EGFR: variants seen among roughly 807,000 people sequenced by gnomAD.
EGFR encodes avian erythroblastic leukemia viral (v-erb-b) oncogene homolog.
EGFR carries 58 observed loss-of-function variants against 143.0 expected under a neutral mutation model. That is an observed-to-expected ratio of 0.41 (90% CI 0.33 to 0.50). EGFR has a LOEUF of 0.50. Among genes scored for constraint, EGFR ranks in the 20% least tolerant of loss-of-function variants. The pLI, the probability that EGFR is intolerant of heterozygous loss-of-function variation, is 0.39. For synonymous variants in EGFR, 613 were observed against 594.4 expected (o/e 1.03, Z -0.45); for missense variants, 1,307 against 1,579.0 (o/e 0.83, Z 2.92).
chr7:55,128,767 G>A (rs934114949), intron 1 of EGFR, among the ~76,000 whole-genome samples: 1 of 152,140 alleles, frequency 6.6e-6, no homozygotes, highest in East Asian at 1.9e-4. Flanking sequence ...ATTCTATTAA[G>A]CTAGTAGGAT....
chr7:55,161,376 C>T, intron 12 of EGFR, 123 bp from the exon 13 acceptor site: 7 of 1,342,110 alleles, frequency 5.2e-6, no homozygotes, highest in Non-Finnish European at 6.0e-6. Flanking sequence ...TCAGGGGTAG[C>T]CAGCATGTCT....
chr7:55,185,150 G>T (rs1186579620), intron 20 of EGFR, among the ~76,000 whole-genome samples: 1 of 151,578 alleles, frequency 6.6e-6, no homozygotes, highest in African/African-American at 2.4e-5. Context: ...TAGACAAAAG[G>T]AAAAAGGAAA....
At position 55,155,819 on chromosome 7, in the gene EGFR, C is replaced by T. The variant is rs760826609; in HGVS notation, c.890-11C>T. ...ACCGTCATCACCTTCCTTTCATGCT[C>T]TCTTCCCCAGGTAATTATGTGGTGA... is the stretch of plus-strand genomic sequence containing the variant. On this transcript the variant is annotated splice_polypyrimidine_tract_variant and intron_variant, in intron 7 of 27. Transcript: ENST00000275493. 1 of 1,612,616 alleles carries T rather than the reference C, an allele frequency of 6.2e-7. No homozygotes were observed. Among genetic ancestry groups the T allele is most frequent in the Non-Finnish European group, 8.5e-7 (1 of 1,178,642 alleles).
At chr7:55,168,622 C>A (rs1274043408) in intron 15 of EGFR, 5 of 1,579,310 alleles carry the variant, frequency 3.2e-6, no homozygotes, top group Non-Finnish European at 4.3e-6. Context: ...AAAGTCCTGA[C>A]ACTATTCATT....
At chr7:55,202,895 T>C in intron 27 of EGFR, 1 of 649,272 alleles carries the variant, frequency 1.5e-6, no homozygotes, top group Non-Finnish European at 2.8e-6. Flanking sequence ...ATCACGGACA[T>C]ACACATCTGT....
chr7:55,189,327 TGG>T (rs1175776545), intron 20 of EGFR, among the ~76,000 whole-genome samples: 1 of 152,064 alleles, frequency 6.6e-6, no homozygotes, highest in East Asian at 1.9e-4. Flanking sequence ...GGTGGTCGTG[TGG>T]GGACTGGGAT....
chr7:55,190,380 C>T (rs931666045), intron 20 of EGFR, among the ~76,000 whole-genome samples: 5 of 152,136 alleles, frequency 3.3e-5, no homozygotes, highest in Admixed American at 1.3e-4. Flanking sequence ...ACAAACGGCG[C>T]CCAAAGACTA....
chr7:55,176,008 C>T (rs1306761608), intron 19 of EGFR, among the ~76,000 whole-genome samples: 1 of 152,098 alleles, frequency 6.6e-6, no homozygotes, highest in Non-Finnish European at 1.5e-5. Context: ...TAACGGTTTA[C>T]AAATTGAGTC....
In EGFR at chr7:55,189,945, A is replaced by G. The variant is rs1787311332; in HGVS notation, c.2470-1774A>G. ...AATGGGCAGGAGTTCATGATATTTA[A>G]TAAACAGAGGCCTTGCTCTGTAAGA... On this transcript the variant is annotated intron_variant, in intron 20 of 27. Transcript: ENST00000275493. Among the ~76,000 whole-genome samples, 3 of 152,168 alleles carry G rather than the reference A, an allele frequency of 2.0e-5. No individual in the cohort carries two copies. The South Asian group carries it at 6.2e-4, about 32-fold the overall frequency.
intron 6 of EGFR, among the ~76,000 whole-genome samples, chr7:55,153,530 G>A (rs542215861): frequency 2.6e-5 from 4 of 152,230 alleles, no homozygotes; most frequent in Non-Finnish European, 5.9e-5. Flanking sequence ...AGAAGACTGT[G>A]CGTGGGGTTG....
chr7:55,195,814 C>A (rs144362395), intron 22 of EGFR, among the ~76,000 whole-genome samples: 1 of 152,236 alleles, frequency 6.6e-6, no homozygotes, highest in East Asian at 1.9e-4. Context: ...GGATGATGGC[C>A]TCTAGCTCCA....
intron 1 of EGFR, among the ~76,000 whole-genome samples, chr7:55,123,892 T>C (rs543976087): frequency 6.6e-6 from 1 of 152,184 alleles, no homozygotes; most frequent in Non-Finnish European, 1.5e-5. Flanking sequence ...TGGATGTGTG[T>C]GTGTGTGCAT....
intron 1 of EGFR, among the ~76,000 whole-genome samples, chr7:55,031,577 C>A (rs890311719): frequency 1.3e-5 from 2 of 152,170 alleles, no homozygotes; most frequent in Non-Finnish European, 2.9e-5. Context: ...TTATCTGAGT[C>A]CATCTTTCCT....
intron 6 of EGFR, among the ~76,000 whole-genome samples, chr7:55,153,198 G>A (rs1054667886): frequency 6.6e-6 from 1 of 152,196 alleles, no homozygotes; most frequent in Non-Finnish European, 1.5e-5. Context: ...GGCACCTCCT[G>A]AGCTGCACCC....
At chr7:55,072,552 C>T (rs1314791844) in intron 1 of EGFR, among the ~76,000 whole-genome samples, 1 of 152,180 alleles carries the variant, frequency 6.6e-6, no homozygotes, top group Non-Finnish European at 1.5e-5. Context: ...ATGCTGATGC[C>T]GTTCCCTTTT....
intron 22 of EGFR, among the ~76,000 whole-genome samples, chr7:55,196,608 G>A (rs1787629479): frequency 6.6e-6 from 1 of 152,110 alleles, no homozygotes; most frequent in Non-Finnish European, 1.5e-5. Context: ...CCTATATCCA[G>A]AATGGTATTA....
intron 1 of EGFR, among the ~76,000 whole-genome samples, chr7:55,072,693 C>A (rs117961137): frequency 6.6e-6 from 1 of 152,152 alleles, no homozygotes. Flanking sequence ...GTAGCACAAG[C>A]AGTTGCTTCA....
chr7:55,063,325 T>C lies in EGFR; in HGVS notation c.88+43960T>C, dbSNP rs981488633. On this transcript the variant is annotated intron_variant, in intron 1 of 27. Coordinates refer to ENST00000275493, the MANE Select transcript of EGFR (RefSeq NM_005228.5). ...GAATCCTCTTCCCTGGTGAAGTCAT[T>C]TAGGTTCAGGCTCTTATTTTACTTT... Among the ~76,000 whole-genome samples, 3 of 152,236 alleles carry C rather than the reference T, an allele frequency of 2.0e-5. No homozygotes were observed. In the South Asian group the frequency reaches 6.2e-4, roughly 32 times the overall value.
chr7:55,144,728 A>G (rs1389734730), intron 3 of EGFR, among the ~76,000 whole-genome samples: 3 of 151,552 alleles, frequency 2.0e-5, no homozygotes, highest in Non-Finnish European at 4.4e-5. Context: ...AGTGCGCCTC[A>G]CACGCTGTCT....
Sources: gnomAD v4.1 joint callset for allele counts (sites outside exome capture counted in the v4.1 genomes callset) on GRCh38, gnomAD v4.1.1 for gene constraint, MANE v1.5 for transcripts, NCBI Gene and HGNC (gene_info 2026-07-23, HGNC 2026-07-21) for gene names.